The following ABR variants were observed in gnomAD, a reference collection of about 807,000 sequenced individuals.
ABR encodes active breakpoint cluster region-related protein.
In ABR, 35 loss-of-function variants were observed where a neutral mutation model predicts 107.2. That is an observed-to-expected ratio of 0.33 (90% confidence interval 0.25 to 0.43). ABR has a LOEUF of 0.43. ABR is among the 20% of genes least tolerant of loss of function. The probability of loss-of-function intolerance (pLI) is 1.00; values close to 1 mark genes in which losing one functional copy is unlikely to be tolerated. For synonymous variants in ABR, 498 were observed against 462.0 expected (o/e 1.08, Z -1.00); for missense variants, 815 against 1,115.2 (o/e 0.73, Z 3.83).
At chr17:1,061,816 G>A (rs62067863) in intron 10 of ABR, among the ~76,000 whole-genome samples, 16,141 of 152,188 alleles carry the variant, frequency 0.11, 1,136 homozygotes, top group Non-Finnish European at 0.16. Flanking sequence ...CAAAGTACTG[G>A]GATTACCGGT....
chr17:1,187,875 G>A (rs62070506), upstream of ABR, among the ~76,000 whole-genome samples: 1,310 of 151,550 alleles, frequency 8.6e-3, 14 homozygotes, highest in Middle Eastern at 0.079. Flanking sequence ...ATCTGGGTGC[G>A]ACAGAGTGAG....
At position 1,154,810 on chromosome 17, in the gene ABR, G is replaced by C. The variant is rs947194666; in HGVS notation, c.61+24857C>G. The stretch of plus-strand genomic sequence containing the variant: ...TGACGATGCCACTAGTGCCAAGAAT[G>C]CTTCCCTCCTGCAGGCCCCGCTCCC... On this transcript the variant is annotated intron_variant, in intron 1 of 22. Transcript: ENST00000302538. The surrounding 1 kb of genome is among the most constrained non-coding windows in gnomAD (Gnocchi z 4.0). 1 of 152,402 alleles carries C rather than the reference G, an allele frequency of 6.6e-6. No individual in the cohort carries two copies. Among genetic ancestry groups the C allele is most frequent in the Non-Finnish European group, 1.5e-5 (1 of 68,190 alleles). 9.4% of individuals were successfully genotyped at this position (152,402 alleles called of 1,614,324 possible).
intron 2 of ABR, among the ~76,000 whole-genome samples, chr17:1,112,722 G>A (rs2038750877): frequency 6.6e-6 from 1 of 152,092 alleles, no homozygotes; most frequent in Admixed American, 6.6e-5. Context: ...TGGAGGGTGA[G>A]GGGCATAAGC....
intron 5 of ABR, 24 bp downstream of exon 5, chr17:1,083,496 G>C: frequency 3.2e-6 from 5 of 1,557,600 alleles, no homozygotes; most frequent in Non-Finnish European, 4.4e-6. Context: ...GTCCCTCAGG[G>C]TGGCTATGTG....
chr17:1,109,406 C>T (rs1393500888), intron 2 of ABR, among the ~76,000 whole-genome samples: 1 of 151,962 alleles, frequency 6.6e-6, no homozygotes. Context: ...TCCCGGGCTC[C>T]GGGGCTCGGG....
chr17:1,219,035 C>T (rs886476147), intron 1 of ABR, among the ~76,000 whole-genome samples: 1 of 145,194 alleles, frequency 6.9e-6, no homozygotes. Flanking sequence ...CCTTTTCTAT[C>T]TGTTTGTTTG....
intron 16 of ABR, chr17:1,031,948 C>G: frequency 1.1e-6 from 1 of 947,938 alleles, no homozygotes; most frequent in Non-Finnish European, 1.4e-6. Context: ...TCCCCGCCCT[C>G]CGCGAGGCTG....
chr17:1,060,726 C>T (rs1176957650), intron 10 of ABR, among the ~76,000 whole-genome samples: 1 of 152,144 alleles, frequency 6.6e-6, no homozygotes, highest in South Asian at 2.1e-4. Flanking sequence ...AGCACGGTGG[C>T]TCACACCTGT....
intron 1 of ABR, among the ~76,000 whole-genome samples, chr17:1,151,560 C>T (rs1251958423): frequency 6.6e-6 from 1 of 152,196 alleles, no homozygotes; most frequent in East Asian, 1.9e-4. Flanking sequence ...CCGCGTTCTT[C>T]CCTGCGGAGA....
chr17:1,113,286 T>TTG (rs1204358360), intron 2 of ABR, among the ~76,000 whole-genome samples: 4 of 139,572 alleles, frequency 2.9e-5, no homozygotes, highest in South Asian at 2.5e-4. Context: ...CGATTTTTTT[T>TTG]TTTTTTTTTT....
At chr17:1,207,035 G>T (rs1447135695) in intron 1 of ABR, among the ~76,000 whole-genome samples, 1 of 151,968 alleles carries the variant, frequency 6.6e-6, no homozygotes, top group East Asian at 1.9e-4. Context: ...AGTGAGCTGA[G>T]ATCTCACCAC....
intron 1 of ABR, among the ~76,000 whole-genome samples, chr17:1,217,189 TTC>T (rs1037396111): frequency 3.9e-5 from 6 of 152,178 alleles, no homozygotes; most frequent in Admixed American, 1.3e-4. Flanking sequence ...AAACGAGGCT[TTC>T]TCCGTAATAG....
chr17:1,174,478 C>T (rs2041854647), intron 1 of ABR, among the ~76,000 whole-genome samples: 1 of 152,072 alleles, frequency 6.6e-6, no homozygotes, highest in Admixed American at 6.6e-5. Context: ...AGATGAGAAA[C>T]TGAGGTAGGC....
intron 1 of ABR, among the ~76,000 whole-genome samples, chr17:1,196,940 C>T (rs539200768): frequency 2.6e-5 from 4 of 151,810 alleles, no homozygotes; most frequent in East Asian, 1.9e-4. Flanking sequence ...GTGATCCATC[C>T]GCCTCGGCCT....
chr17:1,048,477 A>G (rs1251489366), intron 16 of ABR, among the ~76,000 whole-genome samples: 1 of 152,278 alleles, frequency 6.6e-6, no homozygotes, highest in African/African-American at 2.4e-5. Flanking sequence ...GCTTCCTGCT[A>G]AAAAGCATCG....
At chr17:1,080,302 C>A (rs548120979) in intron 5 of ABR, among the ~76,000 whole-genome samples, 1 of 152,256 alleles carries the variant, frequency 6.6e-6, no homozygotes, top group Admixed American at 6.5e-5. Flanking sequence ...ACAGCCAATG[C>A]CCCTCCTGGA....
intron 16 of ABR, among the ~76,000 whole-genome samples, chr17:1,042,176 G>A (rs977436389): frequency 2.0e-5 from 3 of 151,982 alleles, no homozygotes; most frequent in Admixed American, 6.6e-5. Flanking sequence ...ATGGACGGAC[G>A]GACAGACGGA....
intron 1 of ABR, among the ~76,000 whole-genome samples, chr17:1,137,338 G>A (rs751711366): frequency 2.6e-5 from 4 of 152,064 alleles, no homozygotes; most frequent in Non-Finnish European, 4.4e-5. Flanking sequence ...CACCGAGCCC[G>A]GGCTAAACTG....
intron 2 of ABR, chr17:1,115,466 A>G (rs1249659453): frequency 6.6e-6 from 1 of 152,278 alleles, no homozygotes; most frequent in Non-Finnish European, 1.5e-5. Context: ...TCTTCAGCCA[A>G]TGGGAACTGA....
Sources: allele counts gnomAD v4.1 joint callset (sites outside exome capture counted in the v4.1 genomes callset), GRCh38; gene constraint gnomAD v4.1.1; non-coding constraint Gnocchi (gnomAD v3.1); transcripts MANE v1.5; gene names NCBI Gene and HGNC (gene_info 2026-07-23, HGNC 2026-07-21).